TM2D2: variants seen among roughly 807,000 people sequenced by gnomAD.
TM2D2 encodes the protein TM2 domain-containing protein 2.
Under a neutral mutation model 23.0 loss-of-function variants are expected in TM2D2, and 19 were observed. The observed-to-expected ratio is 0.82, with a 90% confidence interval of 0.58 to 1.21. TM2D2 has a LOEUF of 1.21. Ranked by LOEUF, TM2D2 falls within the 50% of genes most tolerant of loss-of-function variation. The pLI, the probability that TM2D2 is intolerant of heterozygous loss-of-function variation, is 0.00. For synonymous variants in TM2D2, 120 were observed against 108.8 expected, an observed-to-expected ratio of 1.10 and a Z score of -0.64; for missense variants, 246 against 265.4, an observed-to-expected ratio of 0.93 and a Z score of 0.51.
chr8:38,995,544 C>T lies in TM2D2; in HGVS notation c.228-139G>A, dbSNP rs1473124964. The T allele has an allele frequency of 2.0e-6, 3 of 1,521,698 alleles. No homozygotes were observed. In the African/African-American group the frequency reaches 4.3e-5, roughly 22 times the overall value. 94.3% of individuals were successfully genotyped at this position (1,521,698 alleles called of 1,614,324 possible). On this transcript the variant is annotated intron_variant, in intron 1 of 3. Coordinates refer to ENST00000456397, the MANE Select transcript of TM2D2 (RefSeq NM_078473.3). ...TCGGTTTCACCCTGCTGACCCCTTT[C>T]CAAGCCAATTAAACTGAAGCACAGC...
intron 2 of TM2D2, chr8:38,994,069 TG>T (rs1487051864): frequency 1.3e-5 from 2 of 152,586 alleles, no homozygotes; most frequent in African/African-American, 2.4e-5. Context: ...ACTGAGCATT[TG>T]GGAGTGGGTA....
chr8:38,996,661 G>C, upstream of TM2D2: 1 of 1,428,638 alleles, frequency 7.0e-7, no homozygotes. Context: ...TCTGCTTCTC[G>C]ATTCCTCTTC....
upstream of TM2D2, chr8:38,996,639 C>T (rs1000331919): frequency 4.2e-6 from 6 of 1,432,174 alleles, no homozygotes; most frequent in Admixed American, 1.1e-4. Flanking sequence ...CGGGGCTACT[C>T]CGCCCTCTGC....
At chr8:38,995,655 G>T (rs1421278354) in intron 1 of TM2D2, 5 of 1,376,160 alleles carry the variant, frequency 3.6e-6, no homozygotes, top group Non-Finnish European at 4.7e-6. Flanking sequence ...TTCTACTTCT[G>T]CCATGGTTTC....
chr8:38,995,701 C>A lies in TM2D2; in HGVS notation c.228-296G>T, dbSNP rs1401088936. 13 of 1,308,062 alleles carry A rather than the reference C, an allele frequency of 9.9e-6. No individual in the cohort carries two copies. In the East Asian group the frequency reaches 2.8e-4, roughly 28 times the overall value. 81.0% of individuals were successfully genotyped at this position (1,308,062 alleles called of 1,614,324 possible). Reference sequence around the variant, plus strand: ...TAGGCAAACAACAAGATTCTGGGGGCAAAATTTAAGCCAAAGTATTCTCAG... The same window carrying A: ...TAGGCAAACAACAAGATTCTGGGGGAAAAATTTAAGCCAAAGTATTCTCAG... On this transcript the variant is annotated intron_variant, in intron 1 of 3. Transcript: ENST00000456397.
Position 38,991,340 on chromosome 8 carries a change from C to T in TM2D2, c.637G>A (p.Val213Ile). The T allele has an allele frequency of 6.2e-7, 1 of 1,613,732 alleles. No homozygotes were observed. The highest frequency in any genetic ancestry group is 8.5e-7 in the Non-Finnish European group (1 of 1,179,758). ...MPSDGSNWCT[V>I]Y ...CATGATGGCAGCTCTTCTTAGTAAA[C>T]AGTGCACCAGTTGCTGCCATCACTT... is the stretch of plus-strand genomic sequence containing the variant. Residue 213 changes from valine to isoleucine, a missense_variant, in exon 4 of 4, where the codon GTT (valine) becomes ATT (isoleucine). This residue lies in a region of TM2D2 where 34 missense variants were observed against 63.2 expected (regional missense o/e 0.54). Transcript: ENST00000456397.
At chr8:38,994,180 T>TA (rs1299214795) in intron 2 of TM2D2, 2 of 152,236 alleles carry the variant, frequency 1.3e-5, no homozygotes, top group African/African-American at 4.8e-5. Flanking sequence ...GGACTTTATT[T>TA]AGGTCATAAA....
rs1446443167 is a variant in TM2D2 at position 38,996,462 on chromosome 8, A to C, written c.-23T>G. 6.2e-7 allele frequency: 1 copy of C among 1,613,182 alleles called. No individual in the cohort carries two copies. The highest frequency in any genetic ancestry group is 1.1e-5 in the South Asian group (1 of 91,058). Reference sequence around the variant, plus strand: ...CATCTTCCCGGGCACAGGAGCGGAGACCCGGCCTCAACCACAACCCCAGGC... The same window carrying C: ...CATCTTCCCGGGCACAGGAGCGGAGCCCCGGCCTCAACCACAACCCCAGGC... On this transcript the variant is annotated 5_prime_UTR_variant, in exon 1 of 4. Transcript: ENST00000456397.
rs1394136620 is a variant in TM2D2 at position 38,989,157 on chromosome 8, A to G, written c.*2175T>C. On this transcript the variant is annotated 3_prime_UTR_variant, in exon 4 of 4. Coordinates refer to ENST00000456397, the MANE Select transcript of TM2D2 (RefSeq NM_078473.3). ...CACATAGGAATACTGATGATTCTCA[A>G]ATTACCACTCTAGCAGCGAGAACAA... 1 of 152,212 alleles carries G rather than the reference A, an allele frequency of 6.6e-6. No individual in the cohort carries two copies. Among genetic ancestry groups the G allele is most frequent in the Non-Finnish European group, 1.5e-5 (1 of 68,042 alleles). 9.4% of individuals were successfully genotyped at this position (152,212 alleles called of 1,614,324 possible).
Position 38,996,334 on chromosome 8 carries a change from G to C in TM2D2, c.106C>G (p.Gln36Glu), listed in dbSNP as rs768052686. ...LLHCVSRSHSQNATAEPELTS... is the reference protein window; with the variant it reads ...LLHCVSRSHSENATAEPELTS... ...AGCTCAGGCTCAGCGGTCGCATTTT[G>C]CGAGTGGCTCCGAGACACACAATGC... The change falls in exon 1 of 4, where the codon CAA (glutamine) becomes GAA (glutamate). Residue 36 changes from glutamine (Q) to glutamate (E), a missense_variant. Physicochemically the swap from Gln to Glu is conservative, Grantham distance 29. Transcript: ENST00000456397. 6.8e-6 allele frequency: 11 copies of C among 1,614,030 alleles called. No homozygotes were observed. The highest frequency in any genetic ancestry group is 9.3e-6 in the Non-Finnish European group (11 of 1,180,024).
upstream of TM2D2, chr8:38,996,952 G>T: frequency 6.8e-7 from 1 of 1,476,204 alleles, no homozygotes; most frequent in Non-Finnish European, 9.1e-7. Context: ...CGTGCTCGTC[G>T]GGCGCGCGCG....
chr8:38,996,440 C>T lies in TM2D2; in HGVS notation c.-1G>A, dbSNP rs773872194. The T allele has an allele frequency of 9.3e-6, 15 of 1,614,006 alleles. No individual in the cohort carries two copies. Among genetic ancestry groups the T allele is most frequent in the Non-Finnish European group, 1.3e-5 (15 of 1,179,956 alleles). ...TAACCGGGCAACCACCTAGCACCAT[C>T]TTCCCGGGCACAGGAGCGGAGACCC... On this transcript the variant is annotated 5_prime_UTR_variant, in exon 1 of 4. Transcript: ENST00000456397.
At chr8:38,996,898 A>G, upstream of TM2D2, 4 of 1,460,402 alleles carry the variant, frequency 2.7e-6, no homozygotes, top group South Asian at 5.0e-5. Context: ...GCTCGGACCG[A>G]GGGCTCAGTT....
intron 2 of TM2D2, 121 bp from the exon 3 acceptor site, chr8:38,993,781 T>C (rs1835675946): frequency 4.5e-6 from 3 of 659,464 alleles, no homozygotes; most frequent in South Asian, 1.8e-5. Flanking sequence ...TCCAACAAGG[T>C]TGAGGTACAG....
rs1214789317 is a variant in TM2D2, at chr8:38,995,487, A to G, written c.228-82T>C. 10 of 1,587,526 alleles carry G rather than the reference A, an allele frequency of 6.3e-6. No homozygotes were observed. The Admixed American group carries it at 9.2e-5, about 15-fold the overall frequency. On this transcript the variant is annotated intron_variant, in intron 1 of 3. Coordinates refer to ENST00000456397, the MANE Select transcript of TM2D2 (RefSeq NM_078473.3). The stretch of plus-strand genomic sequence containing the variant: ...TTGCATGCACGTAATCAAAACGGGC[A>G]AAAGACATTTCTTCATCAAGTTTTC...
rs1225189830 is a variant in TM2D2, at chr8:38,989,623, A to G, written c.*1709T>C. ...GCTTGCACCATTGCGCTGGCCCTAA[A>G]GTTTCTTATTTTTTAAAGAAAACAA... On this transcript the variant is annotated 3_prime_UTR_variant, in exon 4 of 4. Coordinates refer to ENST00000456397, the MANE Select transcript of TM2D2 (RefSeq NM_078473.3). The G allele has an allele frequency of 6.6e-6, 1 of 152,160 alleles. No homozygotes were observed. The highest frequency in any genetic ancestry group is 1.5e-5 in the Non-Finnish European group (1 of 68,038). 9.4% of individuals were successfully genotyped at this position (152,160 alleles called of 1,614,324 possible). A position where few individuals can be genotyped will look rare whatever the true frequency, so the allele number is the denominator to read the frequency against.
In TM2D2 at chr8:38,989,476, A is replaced by AT. The variant is rs1363420697; in HGVS notation, c.*1855dup. On this transcript the variant is annotated 3_prime_UTR_variant, in exon 4 of 4. Transcript: ENST00000456397. ...GCCACCACGCCCGGCTAATTTTTGC[A>AT]TTTTTACTAGAGACTGGGCGGGGGT... The AT allele has an allele frequency of 6.6e-6, 1 of 152,150 alleles. No homozygotes were observed. Among genetic ancestry groups the AT allele is most frequent in the Non-Finnish European group, 1.5e-5 (1 of 68,162 alleles). 9.4% of individuals were successfully genotyped at this position (152,150 alleles called of 1,614,324 possible).
chr8:38,989,928 G>T lies in TM2D2; in HGVS notation c.*1404C>A, dbSNP rs1333155637. ...AATTCTGTGTATGTAGATTTTTCTG[G>T]GGAGAGGGTCTAGTTTCTTCATGAC... On this transcript the variant is annotated 3_prime_UTR_variant, in exon 4 of 4. Transcript: ENST00000456397. The T allele has an allele frequency of 6.6e-6, 1 of 151,966 alleles. No homozygotes were observed. The highest frequency in any genetic ancestry group is 1.5e-5 in the Non-Finnish European group (1 of 68,008). 9.4% of individuals were successfully genotyped at this position (151,966 alleles called of 1,614,324 possible).
At chr8:38,991,850 G>T (rs976871361) in intron 3 of TM2D2, among the ~76,000 whole-genome samples, 12 of 152,086 alleles carry the variant, frequency 7.9e-5, no homozygotes, top group Admixed American at 2.6e-4. Flanking sequence ...TCTTCATTGG[G>T]GTTTCTGCAG....
Sources: allele counts gnomAD v4.1 joint callset (sites outside exome capture counted in the v4.1 genomes callset), GRCh38; gene constraint gnomAD v4.1.1; regional missense constraint gnomAD v4.1.1; transcripts MANE v1.5; gene names NCBI Gene and HGNC (gene_info 2026-07-23, HGNC 2026-07-21).